TP63: variants seen among roughly 807,000 people sequenced by gnomAD.
The protein encoded by TP63 is tumor protein p63, also known as tumor protein 63.
TP63 carries 17 observed loss-of-function variants against 82.8 expected under a neutral mutation model. The ratio of observed to expected loss-of-function variants is 0.21; its 90% CI spans 0.14 to 0.31. The LOEUF is 0.31. Among genes scored for constraint, TP63 ranks in the 10% least tolerant of loss-of-function variants. The probability of loss-of-function intolerance (pLI) is 1.00; values close to 1 mark genes in which losing one functional copy is unlikely to be tolerated. For synonymous variants in TP63, 330 were observed against 321.7 expected, an observed-to-expected ratio of 1.03 and a Z score of -0.28; for missense variants, 648 against 895.3, an observed-to-expected ratio of 0.72 and a Z score of 3.52.
chr3:189,735,763 T>G (rs1323408775), intron 1 of TP63, among the ~76,000 whole-genome samples: 1 of 152,216 alleles, frequency 6.6e-6, no homozygotes, highest in Non-Finnish European at 1.5e-5. Context: ...AGTCTGACTG[T>G]GTCTGTCTCA....
At chr3:189,697,586 A>G (rs953034012) in intron 1 of TP63, among the ~76,000 whole-genome samples, 2 of 152,040 alleles carry the variant, frequency 1.3e-5, no homozygotes, top group Non-Finnish European at 2.9e-5. Flanking sequence ...AAAAAAAAAT[A>G]AATAACCTTC....
the TP63 span, among the ~76,000 whole-genome samples, chr3:189,607,626 T>G: frequency 6.6e-6 from 1 of 151,776 alleles, no homozygotes; most frequent in Non-Finnish European, 1.5e-5. Context: ...TATAAATTTG[T>G]TTCTATTATA....
the TP63 span, among the ~76,000 whole-genome samples, chr3:189,605,373 A>G: frequency 6.6e-5 from 10 of 152,344 alleles, no homozygotes; most frequent in Admixed American, 2.0e-4. Context: ...GAGAAGAGGC[A>G]AGAATATCTC....
chr3:189,630,656 A>G, upstream of TP63, among the ~76,000 whole-genome samples: 1 of 152,236 alleles, frequency 6.6e-6, no homozygotes, highest in Admixed American at 6.5e-5. Context: ...TTCCAATTTT[A>G]ATATCTTTAA....
At chr3:189,694,132 A>G (rs1214218724) in intron 1 of TP63, among the ~76,000 whole-genome samples, 2 of 152,202 alleles carry the variant, frequency 1.3e-5, no homozygotes, top group Non-Finnish European at 2.9e-5. Flanking sequence ...CCAATAGTAT[A>G]TCCTTCACTT....
intron 1 of TP63, among the ~76,000 whole-genome samples, chr3:189,684,712 C>G (rs1275660591): frequency 1.3e-5 from 2 of 150,264 alleles, no homozygotes; most frequent in Admixed American, 6.6e-5. Context: ...CTCACTGCAA[C>G]CTCCGCCTCC....
chr3:189,730,299 G>A (rs1035003951), intron 1 of TP63, among the ~76,000 whole-genome samples: 7 of 152,142 alleles, frequency 4.6e-5, no homozygotes, highest in Non-Finnish European at 5.9e-5. Context: ...CTGCAGAAGG[G>A]CAAGCATTCT....
intron 3 of TP63, among the ~76,000 whole-genome samples, chr3:189,746,682 G>A (rs928663864): frequency 6.6e-6 from 1 of 150,874 alleles, no homozygotes; most frequent in Non-Finnish European, 1.5e-5. Context: ...GCAGGTGTAA[G>A]TCCTCATATA....
chr3:189,773,126 A>G (rs1478067446), intron 3 of TP63, among the ~76,000 whole-genome samples: 1 of 152,230 alleles, frequency 6.6e-6, no homozygotes, highest in Non-Finnish European at 1.5e-5. Flanking sequence ...CAATCGCTCT[A>G]AAAGTTATCT....
intron 1 of TP63, among the ~76,000 whole-genome samples, chr3:189,660,561 A>G (rs1003890960): frequency 2.0e-5 from 3 of 152,066 alleles, no homozygotes; most frequent in Non-Finnish European, 4.4e-5. Context: ...TTTTTGCTCC[A>G]TATGAATTTT....
intron 1 of TP63, among the ~76,000 whole-genome samples, chr3:189,671,173 C>G (rs1243610192): frequency 6.6e-6 from 1 of 151,898 alleles, no homozygotes; most frequent in Non-Finnish European, 1.5e-5. Flanking sequence ...AAAATTCAAA[C>G]AACTCAAAAG....
chr3:189,711,825 T>C (rs1400109000), intron 1 of TP63, among the ~76,000 whole-genome samples: 1 of 152,192 alleles, frequency 6.6e-6, no homozygotes, highest in African/African-American at 2.4e-5. Flanking sequence ...ACCAGCTGGA[T>C]CCTTACACTG....
intron 1 of TP63, among the ~76,000 whole-genome samples, chr3:189,688,139 G>A (rs1422099979): frequency 6.6e-6 from 1 of 152,116 alleles, no homozygotes. Context: ...TTGGGGTTGG[G>A]GGATTGAGTT....
chr3:189,808,645 GT>G, intron 4 of TP63, 119 bp downstream of exon 4: 1 of 1,572,782 alleles, frequency 6.4e-7, no homozygotes, highest in Admixed American at 1.7e-5. Flanking sequence ...TGGAAAATTT[GT>G]CTTTGAATAT....
At chr3:189,880,232 AGTGTGT>A in intron 10 of TP63, 1 of 1,555,984 alleles carries the variant, frequency 6.4e-7, no homozygotes, top group East Asian at 2.3e-5. Context: ...TGTATATGTG[AGTGTGT>A]GTGTGTGTAT....
intron 10 of TP63, chr3:189,881,378 C>T: frequency 1.0e-6 from 1 of 985,340 alleles, no homozygotes; most frequent in African/African-American, 1.7e-5. Flanking sequence ...TCCATCTTCC[C>T]ACACCCAGTC....
chr3:189,832,055 C>T (rs537010884), intron 4 of TP63, among the ~76,000 whole-genome samples: 11 of 152,118 alleles, frequency 7.2e-5, no homozygotes, highest in Non-Finnish European at 1.2e-4. Context: ...TGGTCTTGAA[C>T]GCCTGACCTC....
At chr3:189,813,977 A>T (rs1577016941) in intron 4 of TP63, among the ~76,000 whole-genome samples, 1 of 152,082 alleles carries the variant, frequency 6.6e-6, no homozygotes, top group East Asian at 1.9e-4. Context: ...GCTGTGGAGA[A>T]TTTGACTTGA....
rs1328739177 is a variant in TP63, at chr3:189,808,373, C to A, written c.426C>A (p.Ser142Arg). 1 of 1,614,196 alleles carries A rather than the reference C, an allele frequency of 6.2e-7. No homozygotes were observed. Among genetic ancestry groups the A allele is most frequent in the South Asian group, 1.1e-5 (1 of 91,086 alleles). Reference sequence around the variant, plus strand: ...ATAACACAGACCACGCGCAGAACAGCGTCACGGCGCCCTCGCCCTACGCAC... The same window carrying A: ...ATAACACAGACCACGCGCAGAACAGAGTCACGGCGCCCTCGCCCTACGCAC... ...SPYNTDHAQN[S>R]VTAPSPYAQP... is the part of the protein sequence containing the mutation. Residue 142 changes from serine (S) to arginine (R), a missense_variant, in exon 4 of 14, where the codon AGC becomes AGA. This residue lies in a region of TP63 where 182 missense variants were observed against 213.6 expected (regional missense o/e 0.85). Transcript: ENST00000264731.
Sources: gnomAD v4.1 joint callset for allele counts (sites outside exome capture counted in the v4.1 genomes callset) on GRCh38, gnomAD v4.1.1 for gene constraint, gnomAD v4.1.1 regional missense constraint, MANE v1.5 for transcripts, NCBI Gene and HGNC (gene_info 2026-07-23, HGNC 2026-07-21) for gene names.